The following KIF26B variants were observed in gnomAD, a reference collection of about 807,000 sequenced individuals.
KIF26B encodes the protein kinesin family member 26B, also known as kinesin-like protein KIF26B.
A neutral mutation model predicts 151.2 loss-of-function variants in KIF26B; 63 were observed. The observed-to-expected ratio is 0.42, with a 90% confidence interval of 0.34 to 0.51. The LOEUF is 0.51. Ranked by LOEUF, KIF26B falls within the 20% of genes least tolerant of loss-of-function variation. The pLI is 0.07. For synonymous variants in KIF26B, 1,357 were observed against 1,262.1 expected, an observed-to-expected ratio of 1.08 and a Z score of -1.59; for missense variants, 2,813 against 2,913.6, an observed-to-expected ratio of 0.97 and a Z score of 0.79.
chr1:245,566,804 C>A (rs1038630358), intron 5 of KIF26B, among the ~76,000 whole-genome samples: 1 of 152,080 alleles, frequency 6.6e-6, no homozygotes, highest in Non-Finnish European at 1.5e-5. Context: ...GTGTGTGCCT[C>A]TAATCCCAGC....
rs578175939 is a variant in KIF26B at position 245,354,361 on chromosome 1, C to T, written c.466-12473C>T. The stretch of plus-strand genomic sequence containing the variant: ...CCACCTCAGCCGTCCCCTCTGAAAC[C>T]CAGGCCAAGAGGCAGAGATGCCAAT... On this transcript the variant is annotated intron_variant, in intron 2 of 14. Transcript: ENST00000407071. 9.8e-5 allele frequency among the ~76,000 whole-genome samples: 15 copies of T among 152,314 alleles called. No homozygotes were observed. The South Asian group carries it at 3.1e-3, about 32-fold the overall frequency.
At position 245,477,771 on chromosome 1, in the gene KIF26B, A is replaced by G. The variant is rs142006461; in HGVS notation, c.1166+58026A>G. 5.9e-5 allele frequency among the ~76,000 whole-genome samples: 9 copies of G among 151,926 alleles called. No homozygotes were observed. The East Asian group carries it at 1.7e-3, about 29-fold the overall frequency. On this transcript the variant is annotated intron_variant, in intron 4 of 14. Transcript: ENST00000407071. ...TGGAAAAGAGACCGAATGGTAGCAG[A>G]GCAAGTCGGGGAAGTCTCAGGAGGG...
chr1:245,212,985 G>C (rs1669575318), intron 2 of KIF26B, among the ~76,000 whole-genome samples: 1 of 152,242 alleles, frequency 6.6e-6, no homozygotes, highest in South Asian at 2.1e-4. Context: ...TTAATAAACA[G>C]CATTCACACA....
intron 2 of KIF26B, among the ~76,000 whole-genome samples, chr1:245,364,319 AGAGT>A (rs1187993472): frequency 4.0e-5 from 6 of 151,672 alleles, no homozygotes; most frequent in Admixed American, 3.9e-4. Context: ...CGGTTTCTGG[AGAGT>A]GGTTGTGTCC....
At chr1:245,303,412 A>G (rs1292614331) in intron 2 of KIF26B, among the ~76,000 whole-genome samples, 1 of 151,450 alleles carries the variant, frequency 6.6e-6, no homozygotes, top group Non-Finnish European at 1.5e-5. Context: ...GTTAGCCAGG[A>G]TGGTCTCGAT....
At chr1:245,359,216 A>C (rs1464126603) in intron 2 of KIF26B, among the ~76,000 whole-genome samples, 1 of 151,978 alleles carries the variant, frequency 6.6e-6, no homozygotes, top group East Asian at 1.9e-4. Flanking sequence ...ACGGGGTTTC[A>C]CTATGTTGGC....
Position 245,560,231 on chromosome 1 carries a change from A to G in KIF26B, c.1350+19281A>G, listed in dbSNP as rs575317019. 6.6e-6 allele frequency among the ~76,000 whole-genome samples: 1 copy of G among 152,062 alleles called. No individual in the cohort carries two copies. The highest frequency in any genetic ancestry group is 1.5e-5 in the Non-Finnish European group (1 of 68,006). On this transcript the variant is annotated intron_variant, in intron 5 of 14. Transcript: ENST00000407071. This position sits in a 1 kb window ranked among gnomAD's most constrained non-coding sequence, Gnocchi z 4.3. ...GATACATAGATGCTCATTCGCTTCAATTCATTGAACATCTGCTACTGGCCA... is the reference window on the plus strand; with the variant it reads ...GATACATAGATGCTCATTCGCTTCAGTTCATTGAACATCTGCTACTGGCCA...
intron 7 of KIF26B, among the ~76,000 whole-genome samples, chr1:245,608,484 CTCTT>C (rs938973415): frequency 2.1e-4 from 32 of 152,204 alleles, no homozygotes; most frequent in Admixed American, 1.8e-3. Context: ...CCAGCCCTTT[CTCTT>C]GATCTTGATG....
intron 2 of KIF26B, among the ~76,000 whole-genome samples, chr1:245,290,216 GTGTC>G (rs1344621963): frequency 6.6e-6 from 1 of 151,984 alleles, no homozygotes; most frequent in Admixed American, 6.6e-5. Flanking sequence ...AATGGAAGTA[GTGTC>G]TGTCTCACCT....
chr1:245,413,022 A>G (rs1437484537), intron 3 of KIF26B, among the ~76,000 whole-genome samples: 2 of 152,152 alleles, frequency 1.3e-5, no homozygotes, highest in African/African-American at 4.8e-5. Flanking sequence ...AGTAACAGAT[A>G]TCCTTAAGGA....
In KIF26B at chr1:245,646,115, T is replaced by C. The variant is rs760389069; in HGVS notation, c.2099-6T>C. 2 of 1,613,580 alleles carry C rather than the reference T, an allele frequency of 1.2e-6. No individual in the cohort carries two copies. Among genetic ancestry groups the C allele is most frequent in the East Asian group, 4.5e-5 (2 of 44,892 alleles). ...CATTTCTCTTTTATCTTCTCCCCTG[T>C]GGTAGTGTCTGGAGGTCGCAGCCGC... On this transcript the variant is annotated splice_polypyrimidine_tract_variant and splice_region_variant and intron_variant, in intron 9 of 14. Coordinates refer to ENST00000407071, the MANE Select transcript of KIF26B (RefSeq NM_018012.4).
At chr1:245,645,035 A>C (rs10924275) in intron 9 of KIF26B, among the ~76,000 whole-genome samples, 19,083 of 152,132 alleles carry the variant, frequency 0.13, 1,479 homozygotes, top group African/African-American at 0.21. Flanking sequence ...AGGTGCCAGC[A>C]TCTTTTAAAC....
intron 2 of KIF26B, among the ~76,000 whole-genome samples, chr1:245,180,822 C>T (rs1668893396): frequency 6.6e-6 from 1 of 152,118 alleles, no homozygotes; most frequent in African/African-American, 2.4e-5. Context: ...AGAGTCACTG[C>T]TGCAGGATTC....
intron 4 of KIF26B, among the ~76,000 whole-genome samples, chr1:245,448,242 C>G (rs913161567): frequency 9.2e-5 from 14 of 152,216 alleles, no homozygotes; most frequent in African/African-American, 3.4e-4. Flanking sequence ...GGGTCTCACT[C>G]TGTTGCCCAG....
At chr1:245,454,162 A>C (rs1188519430) in intron 4 of KIF26B, among the ~76,000 whole-genome samples, 4 of 152,208 alleles carry the variant, frequency 2.6e-5, no homozygotes, top group African/African-American at 9.6e-5. Context: ...AAGTTTTATG[A>C]GTGAAGAAGG....
At chr1:245,498,117 T>C (rs1660548743) in intron 4 of KIF26B, among the ~76,000 whole-genome samples, 1 of 152,262 alleles carries the variant, frequency 6.6e-6, no homozygotes, top group African/African-American at 2.4e-5. Flanking sequence ...ATTGCCATCT[T>C]GTTCCATTTC....
chr1:245,334,821 C>T (rs1412299414), intron 2 of KIF26B, among the ~76,000 whole-genome samples: 1 of 152,166 alleles, frequency 6.6e-6, no homozygotes, highest in East Asian at 1.9e-4. Flanking sequence ...TCATGTCAGC[C>T]TCCTACTAAC....
chr1:245,644,150 C>T (rs1364278570), intron 9 of KIF26B, among the ~76,000 whole-genome samples: 3 of 152,078 alleles, frequency 2.0e-5, no homozygotes, highest in Non-Finnish European at 4.4e-5. Flanking sequence ...AGTTGTCCTA[C>T]AGCTCTTTTT....
At position 245,407,522 on chromosome 1, in the gene KIF26B, C is replaced by T. The variant is rs551784212; in HGVS notation, c.1000-12057C>T. On this transcript the variant is annotated intron_variant, in intron 3 of 14. Transcript: ENST00000407071. ...TGTTCCTTGTTTGCCCTTTCTTCCCCGAATCCAGCAATTTGTCTTACTACC... is the reference window on the plus strand; with the variant it reads ...TGTTCCTTGTTTGCCCTTTCTTCCCTGAATCCAGCAATTTGTCTTACTACC... Among the ~76,000 whole-genome samples, 4 of 152,000 alleles carry T rather than the reference C, an allele frequency of 2.6e-5. No homozygotes were observed. In the East Asian group the frequency reaches 5.8e-4, roughly 22 times the overall value.
Sources: allele counts gnomAD v4.1 joint callset (sites outside exome capture counted in the v4.1 genomes callset), GRCh38; gene constraint gnomAD v4.1.1; non-coding constraint Gnocchi (gnomAD v3.1); transcripts MANE v1.5; gene names NCBI Gene and HGNC (gene_info 2026-07-23, HGNC 2026-07-21).